The following NF1 variants were observed in gnomAD, a reference collection of about 807,000 sequenced individuals.
NF1 encodes the protein neurofibromin 1.
Under a neutral mutation model 325.7 loss-of-function variants are expected in NF1, and 122 were observed. The ratio of observed to expected loss-of-function variants is 0.37; its 90% confidence interval spans 0.32 to 0.44. The LOEUF (loss-of-function observed/expected upper bound fraction) is 0.44, where lower values mean the gene tolerates loss of function less well. NF1 is among the 20% of genes least tolerant of loss of function. NF1 has a pLI of 1.00. For synonymous variants in NF1, 1,091 were observed against 1,186.0 expected (o/e 0.92, Z 1.65); for missense variants, 2,140 against 3,415.4 (o/e 0.63, Z 9.31).
intron 1 of NF1, among the ~76,000 whole-genome samples, chr17:31,145,437 C>T (rs1916519045): frequency 6.6e-6 from 1 of 152,152 alleles, no homozygotes. Context: ...TGTGATCCGC[C>T]CGCCTCAGCC....
At chr17:31,341,486 G>A (rs1597849407) in intron 47 of NF1, among the ~76,000 whole-genome samples, 2 of 152,104 alleles carry the variant, frequency 1.3e-5, no homozygotes, top group Admixed American at 6.5e-5. Flanking sequence ...TCACGCCACT[G>A]CACTCCAGCT....
At chr17:31,180,297 A>G (rs1409936039) in intron 5 of NF1, among the ~76,000 whole-genome samples, 1 of 152,218 alleles carries the variant, frequency 6.6e-6, no homozygotes, top group Non-Finnish European at 1.5e-5. Context: ...CAACAAGAGA[A>G]AATTTTAGGC....
At chr17:31,356,330 G>A (rs935472185) in intron 51 of NF1, 130 bp from the exon 52 acceptor site, 4 of 861,116 alleles carry the variant, frequency 4.6e-6, no homozygotes, top group African/African-American at 1.7e-5. Flanking sequence ...CTCCAGGGAT[G>A]TATTAGAGCT....
intron 5 of NF1, among the ~76,000 whole-genome samples, chr17:31,177,772 G>A (rs1283214463): frequency 1.3e-5 from 2 of 151,904 alleles, no homozygotes; most frequent in African/African-American, 4.8e-5. Flanking sequence ...GGATATCAGA[G>A]ATTGAAGATC....
chr17:31,273,417 G>A (rs1053613369), intron 36 of NF1, among the ~76,000 whole-genome samples: 1 of 152,132 alleles, frequency 6.6e-6, no homozygotes, highest in South Asian at 2.1e-4. Context: ...GCTCAGACAA[G>A]GGGCATAACT....
chr17:31,269,674 G>C (rs930598618), intron 36 of NF1, among the ~76,000 whole-genome samples: 1 of 152,174 alleles, frequency 6.6e-6, no homozygotes, highest in Non-Finnish European at 1.5e-5. Context: ...TACTTTCTTT[G>C]TGTCGGTTTT....
chr17:31,375,507 C>G lies in NF1; in HGVS notation c.*1352C>G. On this transcript the variant is annotated 3_prime_UTR_variant, in exon 58 of 58. Coordinates refer to ENST00000358273, the MANE Select transcript of NF1 (RefSeq NM_001042492.3). ...ACCTGCAGTTTACAAAATAATTTGA[C>G]TTCAGTGAGCATATTGGTATCTGGA... 4.3e-6 allele frequency: 1 copy of G among 231,454 alleles called. No homozygotes were observed. The highest frequency in any genetic ancestry group is 8.6e-6 in the Non-Finnish European group (1 of 116,740). The allele number at this position is 231,454 out of a possible 1,614,324, so 14.3% of individuals were successfully genotyped here. A position where few individuals can be genotyped will look rare whatever the true frequency, so the allele number is the denominator to read the frequency against.
rs1339352870 is a variant in NF1 at position 31,222,298 on chromosome 17, A to G, written c.1721+369A>G. 1.8e-5 allele frequency: 19 copies of G among 1,045,716 alleles called. No individual in the cohort carries two copies. In the East Asian group the frequency reaches 5.0e-4, roughly 28 times the overall value. The allele number at this position is 1,045,716 out of a possible 1,614,324, so 64.8% of individuals were successfully genotyped here. A position where few individuals can be genotyped will look rare whatever the true frequency, so the allele number is the denominator to read the frequency against. The stretch of plus-strand genomic sequence containing the variant: ...ACAATACTGTTTTTTCAGTTTTTTG[A>G]ACTATGATCTTTCATAAACTTTCTG... On this transcript the variant is annotated intron_variant, in intron 15 of 57. Transcript: ENST00000358273.
intron 8 of NF1, among the ~76,000 whole-genome samples, chr17:31,196,912 C>A (rs1029998325): frequency 4.6e-5 from 7 of 152,142 alleles, no homozygotes; most frequent in Admixed American, 3.3e-4. Flanking sequence ...GCTAGTACCA[C>A]ATTGTTTTGA....
intron 29 of NF1, among the ~76,000 whole-genome samples, chr17:31,237,772 A>G (rs1228811442): frequency 6.7e-6 from 1 of 150,144 alleles, no homozygotes; most frequent in African/African-American, 2.5e-5. Flanking sequence ...TTTACTTTCT[A>G]AAGGTTAAAG....
At chr17:31,098,208 T>A (rs1013965616) in intron 1 of NF1, among the ~76,000 whole-genome samples, 1 of 151,500 alleles carries the variant, frequency 6.6e-6, no homozygotes, top group Non-Finnish European at 1.5e-5. Context: ...AAATGTCTTT[T>A]AGTCAGAAAA....
chr17:31,145,332 G>A (rs754764141), intron 1 of NF1, among the ~76,000 whole-genome samples: 5 of 152,054 alleles, frequency 3.3e-5, no homozygotes, highest in Non-Finnish European at 7.4e-5. Context: ...AGCTGGGACT[G>A]CACGCATGTA....
intron 5 of NF1, among the ~76,000 whole-genome samples, chr17:31,174,310 A>G (rs2065981669): frequency 6.6e-6 from 1 of 152,234 alleles, no homozygotes; most frequent in South Asian, 2.1e-4. Flanking sequence ...GAAAATGAAC[A>G]TACTTTTATG....
At chr17:31,309,950 AC>A in intron 36 of NF1, among the ~76,000 whole-genome samples, 1 of 152,346 alleles carries the variant, frequency 6.6e-6, no homozygotes, top group East Asian at 1.9e-4. Flanking sequence ...ACATCAGAGT[AC>A]TAGAAACTGT....
chr17:31,293,039 G>C (rs1203088506), intron 36 of NF1, among the ~76,000 whole-genome samples: 2 of 151,718 alleles, frequency 1.3e-5, no homozygotes, highest in Non-Finnish European at 2.9e-5. Context: ...TTAGTCGAGC[G>C]TGGTGGCAGG....
chr17:31,258,856 A>G (rs556874565), intron 32 of NF1, among the ~76,000 whole-genome samples, 176 bp from the exon 33 acceptor site: 2 of 152,284 alleles, frequency 1.3e-5, no homozygotes, highest in South Asian at 4.1e-4. Context: ...TAATAATTAT[A>G]TTTGGGAAGG....
At chr17:31,234,194 AT>A (rs1201105791) in intron 27 of NF1, among the ~76,000 whole-genome samples, 1 of 152,230 alleles carries the variant, frequency 6.6e-6, no homozygotes, top group Non-Finnish European at 1.5e-5. Flanking sequence ...TGCACAGCAG[AT>A]CTCTAGAACT....
At chr17:31,364,250 T>C (rs894973814) in intron 57 of NF1, among the ~76,000 whole-genome samples, 6 of 152,234 alleles carry the variant, frequency 3.9e-5, no homozygotes, top group African/African-American at 7.2e-5. Flanking sequence ...ATAAGTTTGA[T>C]TTACCATCAA....
In NF1 at chr17:31,163,304, A is replaced by G. The variant is rs2143672668; in HGVS notation, c.407A>G (p.Asn136Ser). 6.2e-7 allele frequency: 1 copy of G among 1,614,128 alleles called. No individual in the cohort carries two copies. Among genetic ancestry groups the G allele is most frequent in the South Asian group, 1.1e-5 (1 of 91,080 alleles). ...AACCAGCATGCAGCTGAACTTCGGA[A>G]TTCTGCCTCTGGGGTTTTATTTTCT... ...EGNQHAAELR[N>S]SASGVLFSLS... The change falls in exon 4 of 58, where the codon AAT becomes AGT. Residue 136 changes from asparagine (N) to serine (S), a missense_variant. Asn to Ser is a conservative substitution (Grantham distance 46). Transcript: ENST00000358273.
Sources: allele counts gnomAD v4.1 joint callset (sites outside exome capture counted in the v4.1 genomes callset), GRCh38; gene constraint gnomAD v4.1.1; transcripts MANE v1.5; gene names NCBI Gene and HGNC (gene_info 2026-07-23, HGNC 2026-07-21).